The following GNG12 variants were observed in gnomAD, a reference collection of about 807,000 sequenced individuals.
GNG12 encodes the protein G protein subunit gamma 12.
For missense variants in GNG12, 69 were observed against 83.8 expected, an observed-to-expected ratio of 0.82 and a Z score of 0.69; for synonymous variants, 28 against 29.7, an observed-to-expected ratio of 0.94 and a Z score of 0.19.
chr1:67,704,969 G>C lies in GNG12; in HGVS notation c.*482C>G, dbSNP rs1646237952. On this transcript the variant is annotated 3_prime_UTR_variant, in exon 4 of 4. Coordinates refer to ENST00000370982, the MANE Select transcript of GNG12 (RefSeq NM_018841.6). ...TTTCATAAGAAAATAGCTTTGATAA[G>C]TGTATACACAAAGGCATATATATAT... 6.6e-6 allele frequency: 1 copy of C among 152,326 alleles called. No individual in the cohort carries two copies. 9.4% of individuals were successfully genotyped at this position (152,326 alleles called of 1,614,324 possible).
chr1:67,822,978 C>G (rs558144986), intron 1 of GNG12, among the ~76,000 whole-genome samples: 1 of 152,162 alleles, frequency 6.6e-6, no homozygotes, highest in African/African-American at 2.4e-5. Flanking sequence ...GATCCCACAT[C>G]CTTTGTAGAG....
intron 2 of GNG12, among the ~76,000 whole-genome samples, chr1:67,754,764 T>C (rs2100730373): frequency 6.6e-6 from 1 of 152,350 alleles, no homozygotes; most frequent in African/African-American, 2.4e-5. Context: ...GTTGGTCTTC[T>C]GCATTAGAGG....
intron 1 of GNG12, among the ~76,000 whole-genome samples, chr1:67,831,306 A>G (rs1165625218): frequency 6.6e-6 from 1 of 152,210 alleles, no homozygotes; most frequent in African/African-American, 2.4e-5. Flanking sequence ...TTGCTCTCAC[A>G]CTTTAATAAA....
intron 1 of GNG12, among the ~76,000 whole-genome samples, chr1:67,793,985 A>AG (rs1362197695): frequency 6.6e-6 from 1 of 152,070 alleles, no homozygotes; most frequent in African/African-American, 2.4e-5. Flanking sequence ...AAAACGGAGG[A>AG]GGGGGGATAA....
rs1264600729 is a variant in GNG12, at chr1:67,710,980, C to A, written c.-26-3268G>T. Among the ~76,000 whole-genome samples, 5 of 152,324 alleles carry A rather than the reference C, an allele frequency of 3.3e-5. No individual in the cohort carries two copies. In the East Asian group the frequency reaches 5.8e-4, roughly 18 times the overall value. On this transcript the variant is annotated intron_variant, in intron 2 of 3. Coordinates refer to ENST00000370982, the MANE Select transcript of GNG12 (RefSeq NM_018841.6). ...CGTTAAACAAGCCATTAGACAACCC[C>A]TTCTGCTTCAGGCATAGCCTAGCCC...
Position 67,787,070 on chromosome 1 carries a change from T to TGTGTGTGTG in GNG12, c.-76-9564_-76-9563insCACACACAC, listed in dbSNP as rs1491226955. On this transcript the variant is annotated intron_variant, in intron 1 of 3. Transcript: ENST00000370982. ...GTGTGTGTGTGTGTGTGTGTGTGTG[T>TGTGTGTGTG]ATAGTCCCCCTCCTCAAGGAACCCA... Among the ~76,000 whole-genome samples, 264 of 139,658 alleles carry TGTGTGTGTG rather than the reference T, an allele frequency of 1.9e-3. 2 individuals are homozygous for TGTGTGTGTG. Among genetic ancestry groups the TGTGTGTGTG allele is most frequent in the African/African-American group, 6.6e-3 (243 of 36,584 alleles). The allele number at this position is 139,658 out of a possible 152,430, so 91.6% of individuals were successfully genotyped here.
intron 1 of GNG12, among the ~76,000 whole-genome samples, chr1:67,784,328 A>AG (rs1225325578): frequency 0.017 from 1,383 of 79,928 alleles, 23 homozygotes; most frequent in African/African-American, 0.064. Context: ...GGGTGGGGGG[A>AG]GGGGGGAGGG....
At chr1:67,713,066 G>T in intron 2 of GNG12, among the ~76,000 whole-genome samples, 1 of 152,170 alleles carries the variant, frequency 6.6e-6, no homozygotes, top group East Asian at 1.9e-4. Flanking sequence ...CTGACACGCG[G>T]TGACCTAAAG....
chr1:67,760,715 G>A (rs935582648), intron 2 of GNG12, among the ~76,000 whole-genome samples: 4 of 152,198 alleles, frequency 2.6e-5, no homozygotes, highest in Non-Finnish European at 5.9e-5. Flanking sequence ...ACTTTCTTCA[G>A]TTATTCAACA....
At chr1:67,798,703 C>A (rs1184909892) in intron 1 of GNG12, among the ~76,000 whole-genome samples, 2 of 152,098 alleles carry the variant, frequency 1.3e-5, no homozygotes, top group African/African-American at 4.8e-5. Flanking sequence ...CGCCTGTAAT[C>A]CCAGCACTTC....
At chr1:67,791,617 C>T (rs1406199261) in intron 1 of GNG12, among the ~76,000 whole-genome samples, 1 of 152,152 alleles carries the variant, frequency 6.6e-6, no homozygotes, top group Non-Finnish European at 1.5e-5. Flanking sequence ...CATATCCCAT[C>T]AATCAGCAAA....
intron 2 of GNG12, among the ~76,000 whole-genome samples, chr1:67,727,082 C>T (rs913918223): frequency 4.6e-5 from 7 of 152,194 alleles, no homozygotes; most frequent in Non-Finnish European, 7.3e-5. Context: ...AATAGGGCTG[C>T]GTCCAAGGGT....
At chr1:67,737,249 T>C (rs2100707544) in intron 2 of GNG12, among the ~76,000 whole-genome samples, 1 of 152,376 alleles carries the variant, frequency 6.6e-6, no homozygotes, top group East Asian at 1.9e-4. Context: ...TAGGGGATTA[T>C]AAATGGATTT....
intron 2 of GNG12, among the ~76,000 whole-genome samples, chr1:67,725,188 T>C (rs1323381880): frequency 6.6e-6 from 1 of 152,318 alleles, no homozygotes; most frequent in South Asian, 2.1e-4. Context: ...GGAAGCATCA[T>C]TCCTTGGAGG....
chr1:67,823,957 T>C (rs1039520081), intron 1 of GNG12, among the ~76,000 whole-genome samples: 2 of 152,194 alleles, frequency 1.3e-5, no homozygotes, highest in African/African-American at 4.8e-5. Flanking sequence ...AACTTGTTAT[T>C]CTGTGTGTGT....
chr1:67,793,005 T>G (rs1485270875), intron 1 of GNG12, among the ~76,000 whole-genome samples: 2 of 152,172 alleles, frequency 1.3e-5, no homozygotes, highest in African/African-American at 4.8e-5. Context: ...ATTTTCCCAG[T>G]GTGACAGTGA....
intron 1 of GNG12, among the ~76,000 whole-genome samples, chr1:67,778,997 G>A (rs1646722321): frequency 1.3e-5 from 2 of 152,128 alleles, no homozygotes. Context: ...CGGGTCTGGA[G>A]GTTTGTCTGG....
chr1:67,777,772 C>T (rs1646714768), intron 1 of GNG12, among the ~76,000 whole-genome samples: 1 of 152,112 alleles, frequency 6.6e-6, no homozygotes, highest in Admixed American at 6.5e-5. Flanking sequence ...TTTTTCCAAA[C>T]CTCTCCAAGT....
At chr1:67,817,648 G>C (rs1646960336) in intron 1 of GNG12, among the ~76,000 whole-genome samples, 1 of 152,068 alleles carries the variant, frequency 6.6e-6, no homozygotes, top group Non-Finnish European at 1.5e-5. Flanking sequence ...GTCATTATTT[G>C]TTTTTGTGTC....
Sources: allele counts gnomAD v4.1 joint callset (sites outside exome capture counted in the v4.1 genomes callset), GRCh38; gene constraint gnomAD v4.1.1; transcripts MANE v1.5; gene names NCBI Gene and HGNC (gene_info 2026-07-23, HGNC 2026-07-21).